Variants in GPI observed in about 807,000 individuals in gnomAD.
GPI encodes the protein D-hexose-6-phosphate anomerase.
In GPI, 56 loss-of-function variants were observed where a neutral mutation model predicts 75.8. That is an observed-to-expected ratio of 0.74 (90% CI 0.60 to 0.92). The LOEUF is 0.92. GPI is among the 40% of genes least tolerant of loss of function. The probability of loss-of-function intolerance (pLI) is 0.00; values close to 1 mark genes in which losing one functional copy is unlikely to be tolerated. For synonymous variants in GPI, 288 were observed against 285.4 expected (o/e 1.01, Z -0.09); for missense variants, 638 against 741.0 (o/e 0.86, Z 1.61).
chr19:34,380,629 C>T (rs1844053045), intron 8 of GPI, among the ~76,000 whole-genome samples: 3 of 152,196 alleles, frequency 2.0e-5, no homozygotes, highest in Admixed American at 1.3e-4. Context: ...GAACCTGGGT[C>T]TCCTGTCTCC....
At chr19:34,398,913 G>A (rs1599859974) in intron 14 of GPI, 1 of 265,074 alleles carries the variant, frequency 3.8e-6, no homozygotes, top group East Asian at 8.9e-5. Flanking sequence ...CACCATGTTG[G>A]TCAGGCTGGT....
In GPI at chr19:34,399,234, A is replaced by G; in HGVS notation, c.1297A>G (p.Thr433Ala). The change falls in exon 15 of 18, where the codon ACA becomes GCA. Residue 433 changes from threonine to alanine, a missense_variant. Transcript: ENST00000356487. ...KILLANFLAQTEALMRGKSTE... is the reference protein window; with the variant it reads ...KILLANFLAQAEALMRGKSTE... ...CCTCCTGGCCAACTTCTTGGCCCAG[A>G]CAGAGGCCCTGATGAGGGGAAAATC... 1 of 1,613,682 alleles carries G rather than the reference A, an allele frequency of 6.2e-7. No individual in the cohort carries two copies. Among genetic ancestry groups the G allele is most frequent in the Non-Finnish European group, 8.5e-7 (1 of 1,179,986 alleles).
At chr19:34,392,032 T>G in intron 9 of GPI, among the ~76,000 whole-genome samples, 1 of 113,842 alleles carries the variant, frequency 8.8e-6, no homozygotes, top group African/African-American at 3.2e-5. Context: ...GGTCTTTCAA[T>G]GTCTGAGAAG....
chr19:34,396,345 C>T lies in GPI; in HGVS notation c.1107C>T (p.Thr369=), dbSNP rs758988130. Residue 369 remains threonine (T), a synonymous_variant, in exon 13 of 18, where the codon ACC becomes ACT. Transcript: ENST00000356487. ...GGAAATACATCACCAAATCTGGAAC[C>T]CGTGTGGACCACCAGACAGGCCCCA... ...SNGKYITKSG[T]RVDHQTGPIV... 1 of 1,614,176 alleles carries T rather than the reference C, an allele frequency of 6.2e-7. No homozygotes were observed. Among genetic ancestry groups the T allele is most frequent in the Non-Finnish European group, 8.5e-7 (1 of 1,180,000 alleles).
chr19:34,400,359 T>C lies in GPI; in HGVS notation c.*323T>C. The C allele has an allele frequency of 8.4e-6, 5 of 596,180 alleles. No homozygotes were observed. The highest frequency in any genetic ancestry group is 6.1e-5 in the South Asian group (3 of 49,024). 36.9% of individuals were successfully genotyped at this position (596,180 alleles called of 1,614,324 possible). On this transcript the variant is annotated 3_prime_UTR_variant, in exon 18 of 18. Transcript: ENST00000356487. ...TAGGCTCAGCCTCTGATTTTTTTTT[T>C]CCTGTGATGGTGCTTTATGTAGCAG...
chr19:34,379,578 G>A lies in GPI; in HGVS notation c.750+16G>A. On this transcript the variant is annotated intron_variant, in intron 8 of 17. Coordinates refer to ENST00000356487, the MANE Select transcript of GPI (RefSeq NM_000175.5). The stretch of plus-strand genomic sequence containing the variant: ...TACTAACACAGTAAGTGCCCCCGTG[G>A]TCCCCTGTACTGCCTTCCTGGGAGT... 1.9e-6 allele frequency: 3 copies of A among 1,609,170 alleles called. No homozygotes were observed. The highest frequency in any genetic ancestry group is 2.6e-6 in the Non-Finnish European group (3 of 1,175,464).
At position 34,399,873 on chromosome 19, in the gene GPI, C is replaced by G. The variant is rs369773806; in HGVS notation, c.1542-28C>G. ...CAACGTTAGAGCCTTCCTCATACCA[C>G]TCTTCCCTTCCCTTCCCTTCTTGGC... On this transcript the variant is annotated intron_variant, in intron 17 of 17. Coordinates refer to ENST00000356487, the MANE Select transcript of GPI (RefSeq NM_000175.5). The G allele has an allele frequency of 1.4e-5, 23 of 1,613,902 alleles. 1 individual carries two copies. The highest frequency in any genetic ancestry group is 1.9e-5 in the Non-Finnish European group (22 of 1,179,810).
At chr19:34,380,084 C>T (rs1568336124) in intron 8 of GPI, among the ~76,000 whole-genome samples, 2 of 148,974 alleles carry the variant, frequency 1.3e-5, no homozygotes, top group Non-Finnish European at 3.0e-5. Flanking sequence ...GCAACCTCTG[C>T]CTTCCAGGTT....
At chr19:34,363,838 A>C (rs1177038907), upstream of GPI, among the ~76,000 whole-genome samples, 3 of 152,130 alleles carry the variant, frequency 2.0e-5, no homozygotes, top group African/African-American at 2.4e-5. Context: ...AACAAACAAA[A>C]AAAGAACTCC....
In GPI at chr19:34,400,631, G is replaced by C. The variant is rs567939051; in HGVS notation, c.*595G>C. On this transcript the variant is annotated 3_prime_UTR_variant, in exon 18 of 18. Transcript: ENST00000356487. ...GTTCTAAAAACTGCATTGAGATTAT[G>C]TTTGTTTCGGGTGAATTCCTGGACA... The C allele has an allele frequency of 9.8e-6, 4 of 407,734 alleles. No individual in the cohort carries two copies. The highest frequency in any genetic ancestry group is 8.0e-5 in the Admixed American group (2 of 25,006). 25.3% of individuals were successfully genotyped at this position (407,734 alleles called of 1,614,324 possible).
intron 5 of GPI, 24 bp from the exon 6 acceptor site, chr19:34,377,711 C>T: frequency 1.9e-6 from 3 of 1,613,284 alleles, no homozygotes; most frequent in South Asian, 2.2e-5. Flanking sequence ...AATTCTTATT[C>T]TCTGATGCTA....
intron 2 of GPI, 152 bp from the exon 3 acceptor site, chr19:34,366,631 C>G (rs1339716959): frequency 1.3e-6 from 1 of 749,508 alleles, no homozygotes; most frequent in African/African-American, 1.7e-5. Flanking sequence ...TGTCTGATGT[C>G]TGAGTAGACC....
chr19:34,365,024 GGAGA>G (rs756423376), upstream of GPI: 13 of 1,528,632 alleles, frequency 8.5e-6, no homozygotes, highest in South Asian at 1.6e-4. Context: ...CAAGAGGTAG[GGAGA>G]GAGGAGCTGA....
At chr19:34,391,548 G>T (rs1001996440) in intron 9 of GPI, among the ~76,000 whole-genome samples, 1 of 152,366 alleles carries the variant, frequency 6.6e-6, no homozygotes, top group African/African-American at 2.4e-5. Context: ...GAGGAGGTAG[G>T]ATCTGGCCCT....
chr19:34,368,542 G>A lies in GPI; in HGVS notation c.283-41G>A, dbSNP rs765382759. ...CCAGCTGGGAGCATGGCTGCCTGGGGTTGGGGGGGGCAGTCTTTATATCCT... is the reference window on the plus strand; with the variant it reads ...CCAGCTGGGAGCATGGCTGCCTGGGATTGGGGGGGGCAGTCTTTATATCCT... On this transcript the variant is annotated intron_variant, in intron 3 of 17. Transcript: ENST00000356487. The A allele has an allele frequency of 2.5e-6, 4 of 1,612,982 alleles. No individual in the cohort carries two copies. In the South Asian group the frequency reaches 3.3e-5, roughly 13 times the overall value.
At chr19:34,375,502 C>T (rs141545938) in intron 4 of GPI, among the ~76,000 whole-genome samples, 17 of 152,188 alleles carry the variant, frequency 1.1e-4, no homozygotes, top group South Asian at 2.1e-4. Flanking sequence ...AGTTTGGGAG[C>T]GGCTTAGCTG....
intron 9 of GPI, among the ~76,000 whole-genome samples, chr19:34,390,209 A>G (rs932884828): frequency 4.6e-5 from 7 of 152,170 alleles, no homozygotes; most frequent in Admixed American, 3.3e-4. Flanking sequence ...TGGGTTTGTC[A>G]GTATCTGAGG....
At chr19:34,377,461 G>A (rs376781379) in intron 4 of GPI, 42 bp from the exon 5 acceptor site, 623 of 1,426,040 alleles carry the variant, frequency 4.4e-4, no homozygotes, top group Middle Eastern at 2.6e-3. Context: ...AGCGGATTAT[G>A]CCTGGGGGTT....
At chr19:34,394,157 T>TGAAA in intron 12 of GPI, 91 bp downstream of exon 12, 2 of 950,246 alleles carry the variant, frequency 2.1e-6, no homozygotes, top group Non-Finnish European at 3.3e-6. Context: ...CTCCAGGAGC[T>TGAAA]CTTTGCCCCA....
Sources: allele counts gnomAD v4.1 joint callset (sites outside exome capture counted in the v4.1 genomes callset), GRCh38; gene constraint gnomAD v4.1.1; transcripts MANE v1.5; gene names NCBI Gene and HGNC (gene_info 2026-07-23, HGNC 2026-07-21).